The following PCNX2 variants were observed in gnomAD, a reference collection of about 807,000 sequenced individuals.
PCNX2 encodes pecanex 2.
PCNX2 carries 168 observed loss-of-function variants against 223.8 expected under a neutral mutation model. That is an observed-to-expected ratio of 0.75 (90% CI 0.66 to 0.85). The LOEUF is 0.85. PCNX2 is among the 40% of genes least tolerant of loss of function. The pLI is 0.00. For synonymous variants in PCNX2, 1,006 were observed against 1,052.6 expected (o/e 0.96, Z 0.86); for missense variants, 2,507 against 2,675.5 (o/e 0.94, Z 1.39).
intron 32 of PCNX2, among the ~76,000 whole-genome samples, chr1:232,992,287 T>C (rs1669729351): frequency 6.6e-6 from 1 of 152,218 alleles, no homozygotes; most frequent in Non-Finnish European, 1.5e-5. Flanking sequence ...TGTCCCTCCC[T>C]GACCACAGTG....
At chr1:233,285,621 C>T (rs980746709) in intron 1 of PCNX2, among the ~76,000 whole-genome samples, 1 of 152,048 alleles carries the variant, frequency 6.6e-6, no homozygotes, top group African/African-American at 2.4e-5. Context: ...GTTGCAGCGA[C>T]CTGAGATCGT....
At chr1:233,144,140 C>T (rs1006513281) in intron 19 of PCNX2, among the ~76,000 whole-genome samples, 1 of 151,164 alleles carries the variant, frequency 6.6e-6, no homozygotes, top group Non-Finnish European at 1.5e-5. Flanking sequence ...GTGATTACAC[C>T]ACTGCACCCC....
intron 28 of PCNX2, among the ~76,000 whole-genome samples, chr1:233,004,926 C>T (rs1391501912): frequency 3.3e-5 from 5 of 152,132 alleles, no homozygotes; most frequent in Admixed American, 6.5e-5. Flanking sequence ...AGAAAAGGAT[C>T]CAAGAAGCTA....
intron 1 of PCNX2, among the ~76,000 whole-genome samples, chr1:233,272,474 A>G (rs1239192649): frequency 6.6e-6 from 1 of 152,214 alleles, no homozygotes; most frequent in Non-Finnish European, 1.5e-5. Flanking sequence ...AATGGCCATA[A>G]TCAAAAAATG....
Position 233,227,313 on chromosome 1 carries a change from C to G in PCNX2, c.2417G>C (p.Arg806Pro), listed in dbSNP as rs369777297. 2.5e-6 allele frequency: 4 copies of G among 1,613,392 alleles called. No individual in the cohort carries two copies. The African/African-American group carries it at 5.3e-5, about 22-fold the overall frequency. The change falls in exon 10 of 34, where the codon CGA becomes CCA. Residue 806 changes from arginine (R) to proline (P), a missense_variant. Around this residue, in one of 3 missense-constraint regions of PCNX2, gnomAD observed 1,031 missense variants for 1,021.7 expected, o/e 1.01. Transcript: ENST00000258229. ...AATGATAAATTTGTAAAACTGCTCT[C>G]GGTTAAATTTTCCTTGTGTTGAAGA... ...SCSSTQGKFNREQFYKFIIFP... is the reference protein window; with the variant it reads ...SCSSTQGKFNPEQFYKFIIFP...
the PCNX2 span, among the ~76,000 whole-genome samples, chr1:233,322,762 C>T: frequency 6.6e-6 from 1 of 152,158 alleles, no homozygotes; most frequent in African/African-American, 2.4e-5. Flanking sequence ...AAGGCACCCC[C>T]ACCCTGCCCC....
chr1:233,090,950 C>T (rs1400821752), intron 22 of PCNX2, among the ~76,000 whole-genome samples: 2 of 152,142 alleles, frequency 1.3e-5, no homozygotes, highest in East Asian at 1.9e-4. Flanking sequence ...TGATTAGTCG[C>T]GAGGAGCCAG....
chr1:233,149,507 C>G (rs1187620601), intron 19 of PCNX2, among the ~76,000 whole-genome samples: 2 of 152,158 alleles, frequency 1.3e-5, no homozygotes, highest in Non-Finnish European at 2.9e-5. Flanking sequence ...CCTGAGGCAT[C>G]TGAGGCAGAG....
the PCNX2 span, among the ~76,000 whole-genome samples, chr1:233,312,805 T>C: frequency 2.0e-5 from 3 of 151,904 alleles, 1 homozygote; most frequent in South Asian, 4.1e-4. Flanking sequence ...TCTAGTAAAA[T>C]AGGGAAATTT....
At chr1:233,075,760 G>A (rs997208838) in intron 23 of PCNX2, among the ~76,000 whole-genome samples, 1 of 148,792 alleles carries the variant, frequency 6.7e-6, no homozygotes, top group Non-Finnish European at 1.5e-5. Context: ...AATCTCCATT[G>A]CAAATAGCAG....
chr1:233,131,391 A>G (rs901828232), intron 21 of PCNX2, among the ~76,000 whole-genome samples: 10 of 152,116 alleles, frequency 6.6e-5, no homozygotes, highest in Admixed American at 6.5e-5. Flanking sequence ...TTTTTGAAAA[A>G]AAATATTAAA....
intron 26 of PCNX2, among the ~76,000 whole-genome samples, chr1:233,022,863 A>T (rs905202123): frequency 2.0e-5 from 3 of 151,486 alleles, no homozygotes; most frequent in Non-Finnish European, 4.4e-5. Flanking sequence ...ACATCCAGTT[A>T]ATTTTGTATT....
At chr1:233,209,128 C>A (rs1476626870) in intron 12 of PCNX2, among the ~76,000 whole-genome samples, 1 of 152,080 alleles carries the variant, frequency 6.6e-6, no homozygotes, top group Non-Finnish European at 1.5e-5. Context: ...AATTTGTGGG[C>A]TTTAATTTCC....
At chr1:233,161,420 G>A in intron 17 of PCNX2, 57 bp from the exon 18 acceptor site, 1 of 1,437,740 alleles carries the variant, frequency 7.0e-7, no homozygotes, top group South Asian at 1.2e-5. Flanking sequence ...GCAACTCTGT[G>A]TAACCAGGTA....
chr1:233,213,802 T>A (rs1681959599), intron 12 of PCNX2, among the ~76,000 whole-genome samples: 2 of 148,842 alleles, frequency 1.3e-5, no homozygotes, highest in African/African-American at 4.9e-5. Context: ...ATTACATACA[T>A]TGCCCAGTGC....
intron 23 of PCNX2, among the ~76,000 whole-genome samples, chr1:233,069,582 G>A (rs894532641): frequency 6.6e-6 from 1 of 151,788 alleles, no homozygotes; most frequent in African/African-American, 2.4e-5. Context: ...CAAACATTTG[G>A]AAACTGAACA....
chr1:233,063,555 C>T (rs1259218964), intron 23 of PCNX2, among the ~76,000 whole-genome samples: 1 of 146,494 alleles, frequency 6.8e-6, no homozygotes, highest in African/African-American at 2.8e-5. Context: ...CTTCTGAATA[C>T]TTTAAAGATC....
At chr1:233,027,051 G>T (rs76318633) in intron 25 of PCNX2, among the ~76,000 whole-genome samples, 6,683 of 152,218 alleles carry the variant, frequency 0.044, 484 homozygotes, top group African/African-American at 0.15. Context: ...GACATTTAAA[G>T]GTTGGACAGG....
At chr1:233,203,050 G>T (rs1572069010) in intron 13 of PCNX2, among the ~76,000 whole-genome samples, 1 of 152,130 alleles carries the variant, frequency 6.6e-6, no homozygotes, top group South Asian at 2.1e-4. Context: ...CTACAAAAGA[G>T]AATAAAATCC....
Sources: gnomAD v4.1 joint callset for allele counts (sites outside exome capture counted in the v4.1 genomes callset) on GRCh38, gnomAD v4.1.1 for gene constraint, gnomAD v4.1.1 regional missense constraint, MANE v1.5 for transcripts, NCBI Gene and HGNC (gene_info 2026-07-23, HGNC 2026-07-21) for gene names.